Variants in NAV2 observed in about 807,000 individuals in gnomAD.
NAV2 encodes the protein neuron navigator 2.
Under a neutral mutation model 223.2 loss-of-function variants are expected in NAV2, and 54 were observed. The ratio of observed to expected loss-of-function variants is 0.24; its 90% CI spans 0.19 to 0.30. NAV2 has a LOEUF of 0.30. Ranked by LOEUF, NAV2 falls within the 10% of genes least tolerant of loss-of-function variation. The probability of loss-of-function intolerance (pLI) is 1.00; values close to 1 mark genes in which losing one functional copy is unlikely to be tolerated. For synonymous variants in NAV2, 1,279 were observed against 1,239.3 expected (o/e 1.03, Z -0.67); for missense variants, 2,806 against 3,147.5 (o/e 0.89, Z 2.60).
chr11:19,433,904 G>C (rs1590196351), intron 1 of NAV2, among the ~76,000 whole-genome samples: 1 of 152,342 alleles, frequency 6.6e-6, no homozygotes, highest in African/African-American at 2.4e-5. Flanking sequence ...AGTAAATAAT[G>C]CTGGCTGCTG....
At chr11:19,953,615 T>A (rs1467784843) in intron 10 of NAV2, among the ~76,000 whole-genome samples, 1 of 152,228 alleles carries the variant, frequency 6.6e-6, no homozygotes, top group African/African-American at 2.4e-5. Flanking sequence ...GTCTCACGTG[T>A]TTCTGGTAGT....
chr11:19,721,485 G>A (rs1183546140), intron 1 of NAV2, among the ~76,000 whole-genome samples: 10 of 152,326 alleles, frequency 6.6e-5, no homozygotes, highest in Non-Finnish European at 1.2e-4. Flanking sequence ...TTGTTGGCAT[G>A]AGGAAGCAAT....
chr11:19,868,962 C>T lies in NAV2; in HGVS notation c.476C>T (p.Ala159Val). The change falls in exon 4 of 38, where the codon GCT (alanine) becomes GTT (valine). Residue 159 changes from alanine (A) to valine (V), a missense_variant. Coordinates refer to ENST00000349880, the MANE Select transcript of NAV2 (RefSeq NM_145117.5). ...GATGCCTGCTTGAATTTCCTGGCAG[C>T]TAAGGGAATAAACATCCAGGGGCTG... ...NIDACLNFLAAKGINIQGLSA... is the reference protein window; with the variant it reads ...NIDACLNFLAVKGINIQGLSA... The T allele has an allele frequency of 6.2e-7, 1 of 1,613,976 alleles. No individual in the cohort carries two copies. The highest frequency in any genetic ancestry group is 1.3e-5 in the African/African-American group (1 of 75,032).
chr11:19,648,577 T>C (rs764652918), intron 1 of NAV2, among the ~76,000 whole-genome samples: 2 of 152,184 alleles, frequency 1.3e-5, no homozygotes, highest in Non-Finnish European at 2.9e-5. Context: ...ATGGCTCTTA[T>C]GTTTGTTGGG....
intron 5 of NAV2, among the ~76,000 whole-genome samples, chr11:19,889,934 T>C (rs2153129736): frequency 6.6e-6 from 1 of 152,378 alleles, no homozygotes; most frequent in Middle Eastern, 3.4e-3. Context: ...TGTCCAGTTC[T>C]CTCTGATACT....
chr11:19,863,180 C>G (rs1261605149), intron 3 of NAV2, among the ~76,000 whole-genome samples: 1 of 152,164 alleles, frequency 6.6e-6, no homozygotes, highest in African/African-American at 2.4e-5. Flanking sequence ...TGGGGCAGGT[C>G]GAGGTACTGA....
At chr11:19,617,994 G>A (rs2046848970) in intron 1 of NAV2, among the ~76,000 whole-genome samples, 1 of 152,042 alleles carries the variant, frequency 6.6e-6, no homozygotes, top group Non-Finnish European at 1.5e-5. Context: ...TCCCCCATGG[G>A]CTCTGGATTC....
chr11:19,888,517 A>G (rs1038236659), intron 5 of NAV2, among the ~76,000 whole-genome samples: 2 of 152,204 alleles, frequency 1.3e-5, no homozygotes, highest in Non-Finnish European at 2.9e-5. Context: ...AATGTTAGCC[A>G]GAGGCCTCGG....
At chr11:19,530,628 C>T (rs2044001818) in intron 1 of NAV2, among the ~76,000 whole-genome samples, 1 of 152,232 alleles carries the variant, frequency 6.6e-6, no homozygotes, top group African/African-American at 2.4e-5. Flanking sequence ...TCTGAGTTCA[C>T]CTGCCACGGA....
chr11:19,910,138 A>T (rs758856630), intron 6 of NAV2, among the ~76,000 whole-genome samples: 1 of 152,200 alleles, frequency 6.6e-6, no homozygotes, highest in Non-Finnish European at 1.5e-5. Context: ...TAAAGAAACT[A>T]AAGTTCAGAG....
intron 1 of NAV2, among the ~76,000 whole-genome samples, chr11:19,657,927 A>G (rs558309891): frequency 1.3e-5 from 2 of 152,134 alleles, no homozygotes; most frequent in African/African-American, 4.8e-5. Context: ...TGAGAACACT[A>G]GGGGACATGA....
At chr11:19,720,029 T>A (rs562927973) in intron 1 of NAV2, among the ~76,000 whole-genome samples, 1 of 152,302 alleles carries the variant, frequency 6.6e-6, no homozygotes, top group East Asian at 1.9e-4. Context: ...TGGTTCCTCA[T>A]TGTTCTGAGG....
intron 1 of NAV2, among the ~76,000 whole-genome samples, chr11:19,627,326 T>C (rs2047199692): frequency 6.6e-6 from 1 of 151,970 alleles, no homozygotes; most frequent in Admixed American, 6.6e-5. Flanking sequence ...GAGGCAGAGA[T>C]TGTGGTGAGC....
chr11:19,615,124 C>A (rs1485831997), intron 1 of NAV2, among the ~76,000 whole-genome samples: 1 of 151,960 alleles, frequency 6.6e-6, no homozygotes, highest in African/African-American at 2.4e-5. Flanking sequence ...TGCCTACTCA[C>A]CTACTCAGGC....
Position 19,848,069 on chromosome 11 carries a change from A to G in NAV2, c.438+5146A>G, listed in dbSNP as rs1363327251. Among the ~76,000 whole-genome samples the G allele has an allele frequency of 2.6e-5, 4 of 152,184 alleles. No individual in the cohort carries two copies. The East Asian group carries it at 7.7e-4, about 29-fold the overall frequency. On this transcript the variant is annotated intron_variant, in intron 3 of 37. Coordinates refer to ENST00000349880, the MANE Select transcript of NAV2 (RefSeq NM_145117.5). Reference sequence around the variant, plus strand: ...GCTCATGTATGCCCTGGGGCTCCATAGACTCCAGGTTTGGTGCCCCTGCTG... The same window carrying G: ...GCTCATGTATGCCCTGGGGCTCCATGGACTCCAGGTTTGGTGCCCCTGCTG...
In NAV2 at chr11:19,747,823, C is replaced by T. The variant is rs146140823; in HGVS notation, c.267+33861C>T. Among the ~76,000 whole-genome samples the T allele has an allele frequency of 1.8e-4, 28 of 152,296 alleles. No individual in the cohort carries two copies. In the East Asian group the frequency reaches 4.8e-3, roughly 26 times the overall value. On this transcript the variant is annotated intron_variant, in intron 1 of 37. Coordinates refer to ENST00000349880, the MANE Select transcript of NAV2 (RefSeq NM_145117.5). ...CAGTTATTTCCCTTCCAGGAAAGAG[C>T]TACTGTGTGTCATTTTCTCTCCTGA...
intron 6 of NAV2, among the ~76,000 whole-genome samples, 177 bp downstream of exon 6, chr11:19,892,771 G>GA (rs1241710639): frequency 6.6e-6 from 1 of 152,096 alleles, no homozygotes; most frequent in Non-Finnish European, 1.5e-5. Flanking sequence ...ATAAAGTGGG[G>GA]GAAAATATTG....
At chr11:19,555,940 T>C (rs1216498010) in intron 1 of NAV2, among the ~76,000 whole-genome samples, 2 of 151,926 alleles carry the variant, frequency 1.3e-5, no homozygotes, top group African/African-American at 4.8e-5. Flanking sequence ...TGGACACCCT[T>C]GAGTGGGTCA....
upstream of NAV2, among the ~76,000 whole-genome samples, chr11:19,346,679 G>T (rs1853033760): frequency 6.6e-6 from 1 of 152,216 alleles, no homozygotes. Flanking sequence ...AAAGGCGCCA[G>T]GGTTGGCGGC....
Sources: gnomAD v4.1 joint callset for allele counts (sites outside exome capture counted in the v4.1 genomes callset) on GRCh38, gnomAD v4.1.1 for gene constraint, MANE v1.5 for transcripts, NCBI Gene and HGNC (gene_info 2026-07-23, HGNC 2026-07-21) for gene names.